The following CCDC88A variants were observed in gnomAD, a reference collection of about 807,000 sequenced individuals.
CCDC88A encodes the protein coiled-coil and HOOK domain protein 88A.
CCDC88A carries 54 observed loss-of-function variants against 234.3 expected under a neutral mutation model. That is an observed-to-expected ratio of 0.23 (90% CI 0.19 to 0.29). The LOEUF is 0.29. CCDC88A is among the 10% of genes least tolerant of loss of function. CCDC88A has a pLI of 1.00. For synonymous variants in CCDC88A, 753 were observed against 737.8 expected (o/e 1.02, Z -0.33); for missense variants, 1,832 against 2,123.4 (o/e 0.86, Z 2.70).
intron 19 of CCDC88A, among the ~76,000 whole-genome samples, chr2:55,318,228 G>A (rs1210468456): frequency 6.6e-6 from 1 of 152,050 alleles, no homozygotes; most frequent in Non-Finnish European, 1.5e-5. Flanking sequence ...ATTACTTTTA[G>A]AAATTTTTCA....
At chr2:55,345,587 G>GCCA (rs1396620455) in intron 10 of CCDC88A, 1 of 152,276 alleles carries the variant, frequency 6.6e-6, no homozygotes, top group African/African-American at 2.4e-5. Context: ...AATAGAGACG[G>GCCA]GGTTTTGCCA....
chr2:55,416,482 A>ATATATG (rs1681483699), intron 2 of CCDC88A, among the ~76,000 whole-genome samples: 1 of 118,606 alleles, frequency 8.4e-6, no homozygotes, highest in East Asian at 2.3e-4. Flanking sequence ...ATATATATAT[A>ATATATG]TATATGTATA....
At chr2:55,416,011 G>A (rs1681314989) in intron 2 of CCDC88A, among the ~76,000 whole-genome samples, 1 of 151,450 alleles carries the variant, frequency 6.6e-6, no homozygotes, top group African/African-American at 2.4e-5. Context: ...AAAATCACCA[G>A]GCATGCAAAA....
chr2:55,312,920 A>G (rs1682507986), intron 22 of CCDC88A: 1 of 174,670 alleles, frequency 5.7e-6, no homozygotes, highest in Non-Finnish European at 1.2e-5. Flanking sequence ...TATTTCTATG[A>G]AATGTTAGAC....
At chr2:55,347,730 G>A (rs913650025) in intron 9 of CCDC88A, among the ~76,000 whole-genome samples, 5 of 146,916 alleles carry the variant, frequency 3.4e-5, no homozygotes, top group Admixed American at 1.4e-4. Context: ...TTGTGCCTCC[G>A]CCTCCCAAGT....
intron 22 of CCDC88A, chr2:55,313,935 C>T (rs528429904): frequency 6.6e-6 from 1 of 152,292 alleles, no homozygotes; most frequent in South Asian, 2.1e-4. Flanking sequence ...CATTTATTTT[C>T]TTCCCTGTAC....
chr2:55,369,200 A>C (rs1259854716), intron 5 of CCDC88A, among the ~76,000 whole-genome samples: 1 of 151,914 alleles, frequency 6.6e-6, no homozygotes, highest in Non-Finnish European at 1.5e-5. Context: ...ACACCCGGCT[A>C]ATTTTTGTAT....
chr2:55,352,453 A>G (rs1670014323), intron 8 of CCDC88A, among the ~76,000 whole-genome samples: 1 of 151,880 alleles, frequency 6.6e-6, no homozygotes, highest in African/African-American at 2.4e-5. Context: ...AAAAAACACA[A>G]AAAAACAAGA....
Position 55,346,278 on chromosome 2 carries a change from T to C in CCDC88A, c.938A>G (p.Asp313Gly), listed in dbSNP as rs757887600. 3 of 1,611,686 alleles carry C rather than the reference T, an allele frequency of 1.9e-6. No homozygotes were observed. Among genetic ancestry groups the C allele is most frequent in the Non-Finnish European group, 2.5e-6 (3 of 1,178,242 alleles). Residue 313 changes from aspartate to glycine, a missense_variant, in exon 10 of 33, where the codon GAT becomes GGT. Asp to Gly is a moderately conservative substitution (Grantham distance 94, BLOSUM62 -1). This residue lies in a region of CCDC88A where 1,282 missense variants were observed against 1,543.6 expected (regional missense o/e 0.83). Transcript: ENST00000436346. ...RSARMYRDEL[D>G]ALREKAVRVD... The stretch of plus-strand genomic sequence containing the variant: ...TCTGACTGCTTTCTCTCGAAGTGCA[T>C]CTAATTCATCTCGGTACATTCTGGC...
In CCDC88A at chr2:55,294,895, A is replaced by G. The variant is rs1459748748; in HGVS notation, c.5551+702T>C. 1.3e-5 allele frequency: 14 copies of G among 1,092,864 alleles called. No homozygotes were observed. The Admixed American group carries it at 6.7e-4, about 53-fold the overall frequency. The allele number at this position is 1,092,864 out of a possible 1,614,324, so 67.7% of individuals were successfully genotyped here. ...CATGCAGGTTTTGGTGTGGTTACAC[A>G]TTCACATTAATATACATGCCATCAT... On this transcript the variant is annotated intron_variant, in intron 31 of 32. Coordinates refer to ENST00000436346, the MANE Select transcript of CCDC88A (RefSeq NM_001365480.1).
At chr2:55,379,384 A>G (rs538177659) in intron 3 of CCDC88A, among the ~76,000 whole-genome samples, 1 of 152,372 alleles carries the variant, frequency 6.6e-6, no homozygotes, top group South Asian at 2.1e-4. Flanking sequence ...TAAGAAACCT[A>G]TAAAAATAAA....
Position 55,319,286 on chromosome 2 carries a change from A to G in CCDC88A, c.3163-282T>C, listed in dbSNP as rs114172117. ...AAATAAAATATCCCATTCTAAATAT[A>G]TTTATTAACACAAAAACTAGAAAGG... On this transcript the variant is annotated intron_variant, in intron 18 of 32. Coordinates refer to ENST00000436346, the MANE Select transcript of CCDC88A (RefSeq NM_001365480.1). Among the ~76,000 whole-genome samples the G allele has an allele frequency of 1.4e-3, 214 of 152,258 alleles. 1 individual carries two copies. The highest frequency in any genetic ancestry group is 0.01 in the Middle Eastern group (3 of 294).
chr2:55,317,224 A>G lies in CCDC88A; in HGVS notation c.3728T>C (p.Leu1243Pro), dbSNP rs1368818698. 1 of 1,500,550 alleles carries G rather than the reference A, an allele frequency of 6.7e-7. No individual in the cohort carries two copies. The highest frequency in any genetic ancestry group is 1.4e-5 in the African/African-American group (1 of 71,920). The allele number at this position is 1,500,550 out of a possible 1,614,324, so 93.0% of individuals were successfully genotyped here. ...TTATTACCTATCATTTTCACCACAAAGTTTCTTGTATTCTGCAGCTACTGT... is the reference window on the plus strand; with the variant it reads ...TTATTACCTATCATTTTCACCACAAGGTTTCTTGTATTCTGCAGCTACTGT... ...HETVAAEYKK[L>P]CGENDRLNHT... The change falls in exon 21 of 33, where the codon CTT (leucine) becomes CCT (proline). Residue 1243 changes from leucine to proline, a missense_variant. Leu to Pro is a moderately conservative substitution (Grantham distance 98). Coordinates refer to ENST00000436346, the MANE Select transcript of CCDC88A (RefSeq NM_001365480.1). This position sits in a 1 kb window ranked among gnomAD's most constrained non-coding sequence, Gnocchi z 4.2.
chr2:55,353,894 G>A (rs1295271840), intron 8 of CCDC88A, among the ~76,000 whole-genome samples: 4 of 152,140 alleles, frequency 2.6e-5, no homozygotes, highest in African/African-American at 7.2e-5. Context: ...ACACTCTAAC[G>A]AGTTAGGCGA....
At position 55,309,269 on chromosome 2, in the gene CCDC88A, T is replaced by C; in HGVS notation, c.4080-15A>G. 1 of 1,206,406 alleles carries C rather than the reference T, an allele frequency of 8.3e-7. No homozygotes were observed. Among genetic ancestry groups the C allele is most frequent in the Non-Finnish European group, 1.2e-6 (1 of 835,454 alleles). 74.7% of individuals were successfully genotyped at this position (1,206,406 alleles called of 1,614,324 possible). ...TTAACTTATCACTATAAAATAAAAA[T>C]TACCTTTTAGGACAGGCATCATATT... On this transcript the variant is annotated splice_polypyrimidine_tract_variant and intron_variant, in intron 23 of 32. Coordinates refer to ENST00000436346, the MANE Select transcript of CCDC88A (RefSeq NM_001365480.1). This position sits in a 1 kb window ranked among gnomAD's most constrained non-coding sequence, Gnocchi z 5.1.
At chr2:55,396,101 T>A (rs1182959280) in intron 2 of CCDC88A, among the ~76,000 whole-genome samples, 1 of 152,306 alleles carries the variant, frequency 6.6e-6, no homozygotes, top group South Asian at 2.1e-4. Context: ...GTATCTTTTT[T>A]AGTCAGTAAG....
In CCDC88A at chr2:55,296,455, G is replaced by C; in HGVS notation, c.4894C>G (p.His1632Asp). The change falls in exon 30 of 33, where the codon CAT becomes GAT. Residue 1632 changes from histidine to aspartate, a missense_variant. His to Asp is a moderately conservative substitution (Grantham distance 81, BLOSUM62 -1). Around this residue, in one of 6 missense-constraint regions of CCDC88A, gnomAD observed 422 missense variants for 416.5 expected, o/e 1.01. Transcript: ENST00000436346. ...SSGEFSLLHD[H>D]EAWSSSGSSP... ...CTACCACTGCTGGACCAAGCCTCAT[G>C]GTCATGAAGCAGGCTAAATTCTCCA... 6.2e-7 allele frequency: 1 copy of C among 1,614,206 alleles called. No homozygotes were observed. Among genetic ancestry groups the C allele is most frequent in the Non-Finnish European group, 8.5e-7 (1 of 1,180,028 alleles).
intron 2 of CCDC88A, among the ~76,000 whole-genome samples, chr2:55,402,727 C>T (rs75243126): frequency 6.8e-6 from 1 of 146,786 alleles, no homozygotes; most frequent in East Asian, 1.9e-4. Context: ...AAAAAAAAAC[C>T]GGCCAGGCGT....
chr2:55,300,080 A>G (rs754899719), intron 28 of CCDC88A, 161 bp from the exon 29 acceptor site: 57 of 589,674 alleles, frequency 9.7e-5, no homozygotes, highest in Non-Finnish European at 1.6e-4. Flanking sequence ...TAGTTCATTG[A>G]GACACTTTAG....
Sources: gnomAD v4.1 joint callset for allele counts (sites outside exome capture counted in the v4.1 genomes callset) on GRCh38, gnomAD v4.1.1 for gene constraint, gnomAD v4.1.1 regional missense constraint, Gnocchi (gnomAD v3.1) non-coding constraint, MANE v1.5 for transcripts, NCBI Gene and HGNC (gene_info 2026-07-23, HGNC 2026-07-21) for gene names.